The following SATL1 variants were observed in gnomAD, a reference collection of about 807,000 sequenced individuals.
SATL1 encodes spermidine/spermine N(1)-acetyltransferase-like protein 1.
A neutral mutation model predicts 51.8 loss-of-function variants in SATL1; 47 were observed. The observed-to-expected ratio is 0.91, with a 90% confidence interval of 0.72 to 1.16. The LOEUF is 1.16. Ranked by LOEUF, SATL1 falls within the 50% of genes most tolerant of loss-of-function variation. The probability of loss-of-function intolerance (pLI) is 0.00; values close to 1 mark genes in which losing one functional copy is unlikely to be tolerated. For synonymous variants in SATL1, 176 were observed against 182.4 expected (o/e 0.97, Z 0.28); for missense variants, 520 against 526.4 (o/e 0.99, Z 0.12).
chrX:85,190,535 G>T (rs1446253633), intron 2 of SATL1, among the ~76,000 whole-genome samples: 1 of 111,168 alleles, frequency 9.0e-6, no homozygotes, highest in Non-Finnish European at 1.9e-5. Context: ...GAATATCTTA[G>T]ATAATACCCA....
chrX:85,220,474 TTGTGGCTC>T (rs2147760548), intron 2 of SATL1, among the ~76,000 whole-genome samples: 1 of 106,577 alleles, frequency 9.4e-6, no homozygotes, highest in East Asian at 3.0e-4. Flanking sequence ...GCTGTACAGC[TTGTGGCTC>T]CAAAAGAGAC....
intron 2 of SATL1, among the ~76,000 whole-genome samples, chrX:85,128,531 T>C (rs1925689528): frequency 1.8e-5 from 2 of 112,503 alleles, no homozygotes; most frequent in African/African-American, 6.5e-5. Flanking sequence ...AAGTTCTTTG[T>C]AGATTCTGGA....
chrX:85,204,366 C>T (rs907790158), intron 2 of SATL1, among the ~76,000 whole-genome samples: 2 of 112,177 alleles, frequency 1.8e-5, no homozygotes, highest in Non-Finnish European at 3.8e-5. Flanking sequence ...ATGATAGCCA[C>T]GCACACTAGC....
intron 2 of SATL1, among the ~76,000 whole-genome samples, chrX:85,197,298 C>A (rs1319861941): frequency 2.7e-5 from 3 of 110,618 alleles, no homozygotes; most frequent in East Asian, 5.7e-4. Flanking sequence ...TACATGCATG[C>A]AATGCATAAT....
intron 1 of SATL1, among the ~76,000 whole-genome samples, chrX:85,233,637 G>C (rs1928425013): frequency 8.9e-6 from 1 of 112,118 alleles, no homozygotes; most frequent in African/African-American, 3.2e-5. Flanking sequence ...CCAAAAATGT[G>C]ATGGACATAC....
chrX:85,161,157 G>C (rs1218741113), intron 2 of SATL1, among the ~76,000 whole-genome samples: 1 of 111,714 alleles, frequency 9.0e-6, no homozygotes, highest in African/African-American at 3.3e-5. Flanking sequence ...AAGAGTTCCT[G>C]AGGGAAGCAG....
At chrX:85,095,678 T>C (rs1318057341) in intron 4 of SATL1, among the ~76,000 whole-genome samples, 1 of 103,540 alleles carries the variant, frequency 9.7e-6, no homozygotes, top group Non-Finnish European at 2.0e-5. Context: ...TACAAAAAAT[T>C]AGCCGGGCGT....
At chrX:85,099,150 A>G (rs745649666) in intron 4 of SATL1, among the ~76,000 whole-genome samples, 14 of 111,763 alleles carry the variant, frequency 1.3e-4, no homozygotes, top group Non-Finnish European at 2.4e-4. Flanking sequence ...ATAACAACAA[A>G]TTAGATAACC....
intron 2 of SATL1, among the ~76,000 whole-genome samples, chrX:85,173,315 A>G (rs1344623567): frequency 1.8e-5 from 2 of 111,071 alleles, no homozygotes; most frequent in Non-Finnish European, 3.8e-5. Context: ...TTAAAACAAG[A>G]CTCCATCAAG....
intron 2 of SATL1, among the ~76,000 whole-genome samples, chrX:85,172,692 A>G (rs1445506844): frequency 9.0e-6 from 1 of 111,521 alleles, no homozygotes. Context: ...TAATTAAAAT[A>G]CAACTTTTAA....
rs901294243 is a variant in SATL1, at chrX:85,116,247, G to A, written c.-312-6967C>T. 3.6e-5 allele frequency: 4 copies of A among 111,846 alleles called. No individual in the cohort carries two copies. The Admixed American group carries it at 3.8e-4, about 11-fold the overall frequency. The allele number at this position is 111,846 out of a possible 1,213,427, so 9.2% of individuals were successfully genotyped here. On this transcript the variant is annotated intron_variant, in intron 2 of 7. Coordinates refer to ENST00000644105, the MANE Select transcript of SATL1 (RefSeq NM_001367857.2). ...ACAAAGAATTGAGAGGCATAAGGCA[G>A]AAGGAGAGACTGAGGCAAATTTTAG...
intron 2 of SATL1, among the ~76,000 whole-genome samples, chrX:85,134,253 G>T (rs1019852126): frequency 3.6e-5 from 4 of 110,773 alleles, no homozygotes; most frequent in Middle Eastern, 4.7e-3. Context: ...TTAATGGAAA[G>T]CTTCAAGATG....
At chrX:85,208,759 G>A (rs904562031) in intron 2 of SATL1, 2 of 111,480 alleles carry the variant, frequency 1.8e-5, no homozygotes, top group Non-Finnish European at 3.8e-5. Context: ...TTTTTTTCTT[G>A]TAAATTTGTT....
chrX:85,128,705 G>A (rs141219650), intron 2 of SATL1, among the ~76,000 whole-genome samples: 11,949 of 111,452 alleles, frequency 0.11, 559 homozygotes, highest in South Asian at 0.21. Context: ...TGGGGTTTTA[G>A]TCATGAAGTC....
chrX:85,111,284 CTATT>C (rs371692248), intron 2 of SATL1, among the ~76,000 whole-genome samples: 3,231 of 112,167 alleles, frequency 0.029, 126 homozygotes, highest in African/African-American at 0.098. Flanking sequence ...GAGTTGAAGA[CTATT>C]TAGATATTTG....
At chrX:85,141,424 C>T (rs912206662) in intron 2 of SATL1, among the ~76,000 whole-genome samples, 8 of 111,873 alleles carry the variant, frequency 7.2e-5, no homozygotes, top group African/African-American at 2.6e-4. Context: ...ATTAACTACA[C>T]CCATAGTATA....
At chrX:85,143,318 C>A (rs138160068) in intron 2 of SATL1, 2,690 of 111,071 alleles carry the variant, frequency 0.024, 32 homozygotes, top group Middle Eastern at 0.041. Flanking sequence ...AATCCATGGT[C>A]CCTTATCTCC....
At chrX:85,192,343 T>TA (rs975759707) in intron 2 of SATL1, among the ~76,000 whole-genome samples, 1 of 111,495 alleles carries the variant, frequency 9.0e-6, no homozygotes, top group Non-Finnish European at 1.9e-5. Context: ...GCATGTCTCA[T>TA]AAAGCCTTTC....
At chrX:85,142,601 A>G (rs1926137418) in intron 2 of SATL1, 1 of 111,043 alleles carries the variant, frequency 9.0e-6, no homozygotes, top group South Asian at 3.9e-4. Context: ...TTCCAGCAGA[A>G]ATACTTACAT....
Sources: gnomAD v4.1 joint callset for allele counts (sites outside exome capture counted in the v4.1 genomes callset) on GRCh38, gnomAD v4.1.1 for gene constraint, MANE v1.5 for transcripts, NCBI Gene and HGNC (gene_info 2026-07-23, HGNC 2026-07-21) for gene names.